KCNJ15: variants seen among roughly 807,000 people sequenced by gnomAD.
KCNJ15 encodes the protein potassium inwardly rectifying channel subfamily J member 15.
KCNJ15 carries 14 observed loss-of-function variants against 23.0 expected under a neutral mutation model. That is an observed-to-expected ratio of 0.61 (90% CI 0.40 to 0.95). The LOEUF (loss-of-function observed/expected upper bound fraction) is 0.95, where lower values mean the gene tolerates loss of function less well. Among genes scored for constraint, KCNJ15 ranks in the 40% least tolerant of loss-of-function variants. The pLI is 0.00. For missense variants in KCNJ15, 388 were observed against 461.8 expected (o/e 0.84, Z 1.46); for synonymous variants, 185 against 183.2 (o/e 1.01, Z -0.08).
At chr21:38,261,811 G>A (rs1054475391) in intron 1 of KCNJ15, among the ~76,000 whole-genome samples, 2 of 152,168 alleles carry the variant, frequency 1.3e-5, no homozygotes, top group African/African-American at 4.8e-5. Flanking sequence ...CCCTAGAATG[G>A]TATTGAATGC....
intron 1 of KCNJ15, among the ~76,000 whole-genome samples, chr21:38,248,584 A>G (rs1367561840): frequency 6.6e-6 from 1 of 152,170 alleles, no homozygotes; most frequent in African/African-American, 2.4e-5. Context: ...ATTGTTTAAG[A>G]TATTTTAAGG....
intron 1 of KCNJ15, among the ~76,000 whole-genome samples, chr21:38,284,561 A>G (rs1798819552): frequency 6.6e-6 from 1 of 152,194 alleles, no homozygotes; most frequent in Non-Finnish European, 1.5e-5. Context: ...CTCAGCATCT[A>G]TGTTTGACTC....
At position 38,300,015 on chromosome 21, in the gene KCNJ15, A is replaced by G; in HGVS notation, c.754A>G (p.Met252Val). 6.2e-7 allele frequency: 1 copy of G among 1,614,088 alleles called. No individual in the cohort carries two copies. Among genetic ancestry groups the G allele is most frequent in the Non-Finnish European group, 8.5e-7 (1 of 1,180,008 alleles). The change falls in exon 3 of 3, where the codon ATG (methionine) becomes GTG (valine). Residue 252 changes from methionine (M) to valine (V), a missense_variant. By Grantham distance (21) the Met-to-Val change is conservative. Coordinates refer to ENST00000398938, the MANE Select transcript of KCNJ15 (RefSeq NM_170736.3). ...TGAGAGCCCCTTCCTCATTCTGCCCATGACATTCTACCATGTGCTGGATGA... is the reference window on the plus strand; with the variant it reads ...TGAGAGCCCCTTCCTCATTCTGCCCGTGACATTCTACCATGTGCTGGATGA... ...SSESPFLILP[M>V]TFYHVLDETS...
At chr21:38,258,860 G>A (rs1477368425) in intron 1 of KCNJ15, among the ~76,000 whole-genome samples, 7 of 152,178 alleles carry the variant, frequency 4.6e-5, no homozygotes, top group Non-Finnish European at 8.8e-5. Context: ...TGGGGGGAAA[G>A]AGAGCGAGAC....
chr21:38,295,004 A>G (rs2836298), intron 1 of KCNJ15, among the ~76,000 whole-genome samples: 15,300 of 152,268 alleles, frequency 0.1, 2,185 homozygotes, highest in African/African-American at 0.32. Context: ...TATTTCCAGA[A>G]ATTAAAGAAA....
rs553137333 is a variant in KCNJ15, at chr21:38,270,313, C to T, written c.-117+13128C>T. ...ACGAGCCCCTGGAGGGCTGACAGCA[C>T]GTTGGACTTGGCTGAGCTAGAATCA... On this transcript the variant is annotated intron_variant, in intron 1 of 2. Coordinates refer to ENST00000398938, the MANE Select transcript of KCNJ15 (RefSeq NM_170736.3). Among the ~76,000 whole-genome samples the T allele has an allele frequency of 7.2e-5, 11 of 152,258 alleles. No individual in the cohort carries two copies. In the East Asian group the frequency reaches 9.7e-4, roughly 13 times the overall value.
chr21:38,252,240 C>A (rs1979887666), upstream of KCNJ15, among the ~76,000 whole-genome samples: 1 of 152,158 alleles, frequency 6.6e-6, no homozygotes, highest in Non-Finnish European at 1.5e-5. Flanking sequence ...CCTGGAATGT[C>A]AACAACCCTA....
At chr21:38,249,072 C>G (rs1338537934) in intron 1 of KCNJ15, among the ~76,000 whole-genome samples, 1 of 152,120 alleles carries the variant, frequency 6.6e-6, no homozygotes, top group East Asian at 1.9e-4. Context: ...CCTTGCACCC[C>G]CAATGGACTT....
chr21:38,261,501 A>G (rs1334540213), intron 1 of KCNJ15, among the ~76,000 whole-genome samples: 2 of 152,234 alleles, frequency 1.3e-5, no homozygotes, highest in African/African-American at 4.8e-5. Flanking sequence ...ATAACTCTGA[A>G]AAATGATAAG....
At chr21:38,287,252 G>T (rs977967006) in intron 1 of KCNJ15, among the ~76,000 whole-genome samples, 1 of 152,134 alleles carries the variant, frequency 6.6e-6, no homozygotes, top group Non-Finnish European at 1.5e-5. Context: ...GCATGAAAAG[G>T]CTGCACCCCC....
intron 1 of KCNJ15, among the ~76,000 whole-genome samples, chr21:38,247,064 G>T (rs1380336483): frequency 8.9e-6 from 1 of 112,224 alleles, no homozygotes. Context: ...GTGAATGGAT[G>T]GATGGATGGA....
At chr21:38,273,355 T>C (rs1289062199) in intron 1 of KCNJ15, among the ~76,000 whole-genome samples, 1 of 152,242 alleles carries the variant, frequency 6.6e-6, no homozygotes, top group Non-Finnish European at 1.5e-5. Flanking sequence ...CATATTACTC[T>C]AAATTAATCT....
chr21:38,244,998 G>T (rs1275019281), intron 1 of KCNJ15, among the ~76,000 whole-genome samples: 1 of 152,126 alleles, frequency 6.6e-6, no homozygotes, highest in African/African-American at 2.4e-5. Flanking sequence ...CATGGGTATT[G>T]TCGGTCTAAG....
intron 1 of KCNJ15, among the ~76,000 whole-genome samples, chr21:38,233,723 G>A (rs1023830995): frequency 2.6e-5 from 4 of 151,844 alleles, no homozygotes; most frequent in African/African-American, 9.7e-5. Context: ...TTATTATAAG[G>A]GAATAGTATG....
At chr21:38,243,800 A>G (rs1168447045) in intron 1 of KCNJ15, among the ~76,000 whole-genome samples, 1 of 152,234 alleles carries the variant, frequency 6.6e-6, no homozygotes, top group Non-Finnish European at 1.5e-5. Flanking sequence ...ACAAATGGGC[A>G]TGGCTGTCTT....
Position 38,299,594 on chromosome 21 carries a change from G to C in KCNJ15, c.333G>C (p.Val111=). 1 of 1,614,072 alleles carries C rather than the reference G, an allele frequency of 6.2e-7. No individual in the cohort carries two copies. The highest frequency in any genetic ancestry group is 8.5e-7 in the Non-Finnish European group (1 of 1,180,010). ...ISNHTPCIMK[V]DSLTGAFLFS... Reference sequence around the variant, plus strand: ...ATCATACCCCCTGCATCATGAAAGTGGACTCTCTCACTGGGGCGTTTCTCT... The same window carrying C: ...ATCATACCCCCTGCATCATGAAAGTCGACTCTCTCACTGGGGCGTTTCTCT... Residue 111 remains valine (V), a synonymous_variant, in exon 3 of 3, where the codon GTG becomes GTC. Coordinates refer to ENST00000398938, the MANE Select transcript of KCNJ15 (RefSeq NM_170736.3). This position sits in a 1 kb window ranked among gnomAD's most constrained non-coding sequence, Gnocchi z 4.5.
rs1569028119 is a variant in KCNJ15, at chr21:38,305,863, G to C, written c.*5474G>C. 6.6e-6 allele frequency: 1 copy of C among 152,196 alleles called. No homozygotes were observed. The allele number at this position is 152,196 out of a possible 1,614,324, so 9.4% of individuals were successfully genotyped here. On this transcript the variant is annotated 3_prime_UTR_variant, in exon 3 of 3. Transcript: ENST00000398938. ...GTTTATGATATTCATACAACTAGTAGTAGAGTCAGGGAGTATTCCAGAAAC... is the reference window on the plus strand; with the variant it reads ...GTTTATGATATTCATACAACTAGTACTAGAGTCAGGGAGTATTCCAGAAAC...
Position 38,300,663 on chromosome 21 carries a change from T to A in KCNJ15, c.*274T>A. 2.8e-6 allele frequency: 1 copy of A among 362,754 alleles called. No homozygotes were observed. The highest frequency in any genetic ancestry group is 5.9e-5 in the South Asian group (1 of 16,892). The allele number at this position is 362,754 out of a possible 1,614,324, so 22.5% of individuals were successfully genotyped here. On this transcript the variant is annotated 3_prime_UTR_variant, in exon 3 of 3. Coordinates refer to ENST00000398938, the MANE Select transcript of KCNJ15 (RefSeq NM_170736.3). ...TTCTAAGAGCTTGGTGTAGGGCAAT[T>A]GGAATAATGTCCTGTTAGATAAACA...
intron 1 of KCNJ15, among the ~76,000 whole-genome samples, chr21:38,282,402 C>G (rs537277919): frequency 6.6e-6 from 1 of 152,242 alleles, no homozygotes; most frequent in East Asian, 1.9e-4. Context: ...ATTGAATATA[C>G]TTATGTTTGC....
Sources: gnomAD v4.1 joint callset for allele counts (sites outside exome capture counted in the v4.1 genomes callset) on GRCh38, gnomAD v4.1.1 for gene constraint, Gnocchi (gnomAD v3.1) non-coding constraint, MANE v1.5 for transcripts, NCBI Gene and HGNC (gene_info 2026-07-23, HGNC 2026-07-21) for gene names.